Variants in ASPRV1 observed in about 807,000 individuals in gnomAD.
ASPRV1 encodes retroviral-like aspartic protease 1.
In ASPRV1, 7 loss-of-function variants were observed where a neutral mutation model predicts 11.0. That is an observed-to-expected ratio of 0.64 (90% confidence interval 0.36 to 1.20). ASPRV1 has a LOEUF of 1.20. ASPRV1 is among the 50% of genes most tolerant of loss of function. ASPRV1 has a pLI of 0.02. For synonymous variants in ASPRV1, 136 were observed against 138.4 expected (o/e 0.98, Z 0.12); for missense variants, 299 against 320.0 (o/e 0.93, Z 0.50).
chr2:69,946,492 A>G, the ASPRV1 span, among the ~76,000 whole-genome samples: 1 of 152,192 alleles, frequency 6.6e-6, no homozygotes, highest in Non-Finnish European at 1.5e-5. Flanking sequence ...AAGTAAGGTA[A>G]AGTATGCAAA....
the ASPRV1 span, among the ~76,000 whole-genome samples, chr2:70,048,064 G>A: frequency 3.6e-5 from 5 of 138,906 alleles, no homozygotes; most frequent in East Asian, 6.3e-4. Context: ...AGCCGAGATC[G>A]CGCCACTGCA....
the ASPRV1 span, chr2:70,073,052 C>CAGAGCAAGACCCTATCTCA: frequency 6.6e-6 from 1 of 152,098 alleles, no homozygotes; most frequent in Non-Finnish European, 1.5e-5. Flanking sequence ...GCCTGTGTGA[C>CAGAGCAAGACCCTATCTCA]AGAGCAAGAC....
chr2:69,993,086 C>A, the ASPRV1 span, among the ~76,000 whole-genome samples: 2 of 152,194 alleles, frequency 1.3e-5, no homozygotes, highest in Admixed American at 1.3e-4. Context: ...GATCTGGGGA[C>A]CACGTGGCCA....
At chr2:69,945,847 C>T in the ASPRV1 span, among the ~76,000 whole-genome samples, 1 of 152,310 alleles carries the variant, frequency 6.6e-6, no homozygotes, top group African/African-American at 2.4e-5. Context: ...GAGAAAAGGG[C>T]AGGGGCTTTT....
At chr2:70,041,046 T>A in the ASPRV1 span, among the ~76,000 whole-genome samples, 13 of 152,130 alleles carry the variant, frequency 8.5e-5, no homozygotes, top group Admixed American at 8.5e-4. Flanking sequence ...GCCCCAAGGG[T>A]GGGGCTTGTC....
At chr2:69,967,205 T>A in the ASPRV1 span, among the ~76,000 whole-genome samples, 1 of 152,162 alleles carries the variant, frequency 6.6e-6, no homozygotes, top group Non-Finnish European at 1.5e-5. Flanking sequence ...ACCTGCGCCC[T>A]ACCCTCACAG....
chr2:70,072,974 G>A, the ASPRV1 span: 2 of 151,828 alleles, frequency 1.3e-5, no homozygotes, highest in African/African-American at 4.8e-5. Flanking sequence ...GGGAGAAGCT[G>A]AGGGGGAGGA....
the ASPRV1 span, among the ~76,000 whole-genome samples, chr2:69,949,074 C>CTGTCCGCGCAG: frequency 1.3e-5 from 2 of 152,202 alleles, no homozygotes; most frequent in Non-Finnish European, 2.9e-5. Context: ...TTTCTATCCG[C>CTGTCCGCGCAG]TGTCCGCGCA....
chr2:69,946,364 T>C, the ASPRV1 span, among the ~76,000 whole-genome samples: 1 of 151,404 alleles, frequency 6.6e-6, no homozygotes, highest in East Asian at 1.9e-4. Context: ...TAAGGGTCGA[T>C]GCCAACTCCA....
the ASPRV1 span, among the ~76,000 whole-genome samples, chr2:70,034,154 TAAAAAAA>T: frequency 7.2e-5 from 5 of 69,252 alleles, no homozygotes; most frequent in South Asian, 6.6e-4. Context: ...CTCCATCTCA[TAAAAAAA>T]AAAAAAAAAA....
the ASPRV1 span, among the ~76,000 whole-genome samples, chr2:70,017,758 T>C: frequency 2.0e-5 from 3 of 152,238 alleles, no homozygotes; most frequent in Admixed American, 2.0e-4. Context: ...AAAATCAACA[T>C]GCAAAATTCA....
chr2:69,992,242 G>C, the ASPRV1 span, among the ~76,000 whole-genome samples: 94 of 152,270 alleles, frequency 6.2e-4, no homozygotes, highest in East Asian at 0.016. Context: ...TCTCTACTCG[G>C]CGTCTTCGCC....
the ASPRV1 span, chr2:69,939,836 C>A: frequency 6.6e-6 from 1 of 152,452 alleles, no homozygotes; most frequent in East Asian, 1.9e-4. Flanking sequence ...CCACCCCACG[C>A]TCCCCTGCGG....
chr2:70,038,171 A>G, the ASPRV1 span, among the ~76,000 whole-genome samples: 1 of 152,390 alleles, frequency 6.6e-6, no homozygotes, highest in Middle Eastern at 3.4e-3. Flanking sequence ...TGCTACTCAA[A>G]ACAAGAAATA....
the ASPRV1 span, among the ~76,000 whole-genome samples, chr2:69,972,108 C>T: frequency 6.6e-6 from 1 of 152,130 alleles, no homozygotes; most frequent in Non-Finnish European, 1.5e-5. Context: ...GTCACCCAGG[C>T]TGGAGTGCAG....
At chr2:70,029,270 TAA>T in the ASPRV1 span, among the ~76,000 whole-genome samples, 1 of 152,130 alleles carries the variant, frequency 6.6e-6, no homozygotes, top group African/African-American at 2.4e-5. Context: ...TAAAGACATA[TAA>T]GTGACGCCCT....
chr2:70,070,986 T>C, the ASPRV1 span, among the ~76,000 whole-genome samples: 4 of 152,264 alleles, frequency 2.6e-5, no homozygotes, highest in East Asian at 7.7e-4. Flanking sequence ...CCTGGCAGTC[T>C]GGGTTTGTGA....
chr2:70,064,262 C>T, the ASPRV1 span, among the ~76,000 whole-genome samples: 4 of 152,308 alleles, frequency 2.6e-5, no homozygotes, highest in African/African-American at 9.6e-5. Flanking sequence ...TCCTAAAGCA[C>T]AGCTTCCTAG....
chr2:70,044,847 C>G, the ASPRV1 span, among the ~76,000 whole-genome samples: 1 of 152,166 alleles, frequency 6.6e-6, no homozygotes, highest in Non-Finnish European at 1.5e-5. Context: ...GAGGATACAC[C>G]ACACCCTCAC....
Sources: allele counts gnomAD v4.1 joint callset (sites outside exome capture counted in the v4.1 genomes callset), GRCh38; gene constraint gnomAD v4.1.1; transcripts MANE v1.5; gene names NCBI Gene and HGNC (gene_info 2026-07-23, HGNC 2026-07-21).